ZMIZ1: variants seen among roughly 807,000 people sequenced by gnomAD.
ZMIZ1 encodes the protein zinc finger MIZ domain-containing protein 1.
ZMIZ1 carries 17 observed loss-of-function variants against 113.9 expected under a neutral mutation model. The observed-to-expected ratio is 0.15, with a 90% CI of 0.10 to 0.22. ZMIZ1 has a LOEUF of 0.22. ZMIZ1 is among the 10% of genes least tolerant of loss of function. The pLI, the probability that ZMIZ1 is intolerant of heterozygous loss-of-function variation, is 1.00. For missense variants in ZMIZ1, 1,059 were observed against 1,477.8 expected, an observed-to-expected ratio of 0.72 and a Z score of 4.65; for synonymous variants, 607 against 603.1, an observed-to-expected ratio of 1.01 and a Z score of -0.09.
intron 1 of ZMIZ1, among the ~76,000 whole-genome samples, chr10:79,080,243 C>T (rs1045349838): frequency 2.0e-5 from 3 of 151,712 alleles, no homozygotes; most frequent in African/African-American, 7.3e-5. Context: ...CATACCTGAG[C>T]TCCACAACCT....
In ZMIZ1 at chr10:79,289,844, C is replaced by T. The variant is rs758581681; in HGVS notation, c.495C>T (p.Ser165=). ...QNTNQPPGSL[S]VVTTVWGVTN... ...CCAACCAGCCTCCCGGCTCCCTTTCCGTGGTCACCACGGTTTGGGGAGTAA... is the reference window on the plus strand; with the variant it reads ...CCAACCAGCCTCCCGGCTCCCTTTCTGTGGTCACCACGGTTTGGGGAGTAA... The change falls in exon 9 of 25, where the codon TCC becomes TCT. Residue 165 remains serine, a synonymous_variant. Coordinates refer to ENST00000334512, the MANE Select transcript of ZMIZ1 (RefSeq NM_020338.4). The T allele has an allele frequency of 1.4e-5, 22 of 1,614,002 alleles. No homozygotes were observed. Among genetic ancestry groups the T allele is most frequent in the Middle Eastern group, 1.6e-4 (1 of 6,080 alleles).
chr10:79,246,558 A>G (rs1173548289), intron 7 of ZMIZ1, among the ~76,000 whole-genome samples: 1 of 152,170 alleles, frequency 6.6e-6, no homozygotes, highest in Non-Finnish European at 1.5e-5. Context: ...AGAGGGGTAC[A>G]GGCCCGAACC....
intron 3 of ZMIZ1, among the ~76,000 whole-genome samples, chr10:79,157,368 GGT>G (rs10573955): frequency 0.12 from 18,003 of 147,546 alleles, 1,162 homozygotes; most frequent in African/African-American, 0.17. Flanking sequence ...AGGCATAAGG[GGT>G]GTGTGTGTGT....
At chr10:79,151,188 G>A (rs1050937403) in intron 3 of ZMIZ1, among the ~76,000 whole-genome samples, 2 of 152,154 alleles carry the variant, frequency 1.3e-5, no homozygotes, top group African/African-American at 4.8e-5. Flanking sequence ...CCTGCCATGG[G>A]GTGGCCACAG....
At chr10:79,092,313 G>A (rs930462617) in intron 1 of ZMIZ1, among the ~76,000 whole-genome samples, 9 of 152,240 alleles carry the variant, frequency 5.9e-5, no homozygotes, top group African/African-American at 1.9e-4. Flanking sequence ...CCATTTCATG[G>A]CTGCTGGCTT....
Position 79,313,952 on chromosome 10 carries a change from C to A in ZMIZ1, c.*1203C>A. 2 of 427,852 alleles carry A rather than the reference C, an allele frequency of 4.7e-6. No homozygotes were observed. Among genetic ancestry groups the A allele is most frequent in the South Asian group, 1.7e-5 (1 of 58,872 alleles). The allele number at this position is 427,852 out of a possible 1,614,324, so 26.5% of individuals were successfully genotyped here. On this transcript the variant is annotated 3_prime_UTR_variant, in exon 25 of 25. Transcript: ENST00000334512. ...CCTCTGTCCCTGTGCTCCAAGCTGC[C>A]CCCGGCTGCAGCCCAGGCCATGGAC... is the stretch of plus-strand genomic sequence containing the variant.
chr10:79,242,061 T>A (rs1156893092), intron 7 of ZMIZ1, among the ~76,000 whole-genome samples: 1 of 152,032 alleles, frequency 6.6e-6, no homozygotes, highest in African/African-American at 2.4e-5. Context: ...TAAAATACAG[T>A]TTCTCCCGAG....
chr10:79,195,172 G>A (rs375099036), intron 4 of ZMIZ1, among the ~76,000 whole-genome samples: 52 of 152,334 alleles, frequency 3.4e-4, no homozygotes, highest in Middle Eastern at 6.8e-3. Flanking sequence ...TGAACAGCCG[G>A]AGCTCCTCAC....
At chr10:79,164,774 G>T (rs1427420432) in intron 4 of ZMIZ1, among the ~76,000 whole-genome samples, 2 of 152,210 alleles carry the variant, frequency 1.3e-5, no homozygotes, top group Admixed American at 6.5e-5. Context: ...GGTTGCGGCT[G>T]TATGGGCCAC....
chr10:79,262,501 A>G (rs562774449), intron 7 of ZMIZ1, among the ~76,000 whole-genome samples: 5 of 152,378 alleles, frequency 3.3e-5, no homozygotes, highest in Admixed American at 3.3e-4. Context: ...AGGAAGCACC[A>G]GATGTAAATG....
At chr10:79,080,300 C>CTTTTT (rs10592440) in intron 1 of ZMIZ1, among the ~76,000 whole-genome samples, 2 of 85,022 alleles carry the variant, frequency 2.4e-5, no homozygotes, top group African/African-American at 1.1e-4. Context: ...TCGGGTGTGA[C>CTTTTT]TTTTTTTTTT....
chr10:79,218,899 G>A (rs1016493557), intron 7 of ZMIZ1, among the ~76,000 whole-genome samples: 22 of 152,138 alleles, frequency 1.4e-4, no homozygotes, highest in African/African-American at 5.1e-4. Context: ...TGGCAAAGGC[G>A]AGGCTGGAGA....
intron 1 of ZMIZ1, among the ~76,000 whole-genome samples, chr10:79,102,763 G>A (rs1843409546): frequency 6.6e-6 from 1 of 152,224 alleles, no homozygotes. Flanking sequence ...GCGGCTCAGT[G>A]CCCTCATCTG....
At chr10:79,152,964 C>A (rs911662744) in intron 3 of ZMIZ1, among the ~76,000 whole-genome samples, 4 of 152,256 alleles carry the variant, frequency 2.6e-5, no homozygotes, top group Non-Finnish European at 4.4e-5. Context: ...GGGGTCCAGC[C>A]TTTTAGGCCT....
At chr10:79,242,092 T>C (rs978199653) in intron 7 of ZMIZ1, among the ~76,000 whole-genome samples, 21 of 148,820 alleles carry the variant, frequency 1.4e-4, no homozygotes, top group African/African-American at 5.3e-4. Context: ...TGACAGGGAG[T>C]GCCCACGAAA....
intron 1 of ZMIZ1, among the ~76,000 whole-genome samples, chr10:79,081,310 T>C (rs1348742942): frequency 6.6e-6 from 1 of 152,114 alleles, no homozygotes; most frequent in Non-Finnish European, 1.5e-5. Flanking sequence ...GTGGCCTTCT[T>C]ATATCCCCTG....
chr10:79,163,029 G>A (rs923326719), intron 4 of ZMIZ1, among the ~76,000 whole-genome samples: 16 of 152,238 alleles, frequency 1.1e-4, no homozygotes, highest in African/African-American at 2.9e-4. Context: ...CCCTGTGCCC[G>A]AGGGTGACCT....
intron 3 of ZMIZ1, among the ~76,000 whole-genome samples, chr10:79,156,887 C>CT: frequency 6.6e-6 from 1 of 152,230 alleles, no homozygotes; most frequent in East Asian, 1.9e-4. Flanking sequence ...TTCAGCTCTG[C>CT]TGTGCCTGGA....
intron 4 of ZMIZ1, among the ~76,000 whole-genome samples, chr10:79,165,264 G>T (rs916414160): frequency 1.3e-5 from 2 of 152,172 alleles, no homozygotes; most frequent in Admixed American, 1.3e-4. Context: ...GCCTGGGTGA[G>T]CTCAGTTTGG....
Sources: gnomAD v4.1 joint callset for allele counts (sites outside exome capture counted in the v4.1 genomes callset) on GRCh38, gnomAD v4.1.1 for gene constraint, MANE v1.5 for transcripts, NCBI Gene and HGNC (gene_info 2026-07-23, HGNC 2026-07-21) for gene names.